RPA1: variants seen among roughly 807,000 people sequenced by gnomAD.
The protein encoded by RPA1 is replication protein A1, also known as replication protein A 70 kDa DNA-binding subunit.
RPA1 carries 49 observed loss-of-function variants against 83.0 expected under a neutral mutation model. That is an observed-to-expected ratio of 0.59 (90% CI 0.47 to 0.75). The LOEUF (loss-of-function observed/expected upper bound fraction) is 0.75. RPA1 is among the 30% of genes least tolerant of loss of function. RPA1 has a pLI of 0.00. For missense variants in RPA1, 693 were observed against 776.1 expected (o/e 0.89, Z 1.27); for synonymous variants, 279 against 281.8 (o/e 0.99, Z 0.10).
intron 5 of RPA1, among the ~76,000 whole-genome samples, chr17:1,855,767 C>A (rs1395498842): frequency 6.6e-6 from 1 of 150,974 alleles, no homozygotes; most frequent in Non-Finnish European, 1.5e-5. Context: ...AGACTTGGTA[C>A]TTCTTCCTTA....
chr17:1,881,795 C>CA (rs1329242474), intron 12 of RPA1, among the ~76,000 whole-genome samples: 3 of 152,192 alleles, frequency 2.0e-5, no homozygotes, highest in African/African-American at 7.2e-5. Flanking sequence ...TGATCAAAGA[C>CA]AAGCTCAGTG....
At position 1,841,452 on chromosome 17, in the gene RPA1, C is replaced by T. The variant is rs145139811; in HGVS notation, c.34-1351C>T. The stretch of plus-strand genomic sequence containing the variant: ...CCCAGCAGCTGGGATTACAGGCATG[C>T]GCCACCACGCCCAGCTAATTTTTAA... On this transcript the variant is annotated intron_variant, in intron 1 of 16. Coordinates refer to ENST00000254719, the MANE Select transcript of RPA1 (RefSeq NM_002945.5). 7.4e-3 allele frequency among the ~76,000 whole-genome samples: 1,131 copies of T among 152,186 alleles called. 11 individuals carry two copies. Among genetic ancestry groups the T allele is most frequent in the South Asian group, 0.015 (71 of 4,820 alleles).
At chr17:1,830,999 C>T (rs1911543073) in intron 1 of RPA1, among the ~76,000 whole-genome samples, 1 of 152,082 alleles carries the variant, frequency 6.6e-6, no homozygotes, top group Admixed American at 6.6e-5. Flanking sequence ...CACCAGACCT[C>T]AAGTTATCCG....
chr17:1,866,649 T>G, intron 5 of RPA1, among the ~76,000 whole-genome samples: 1 of 151,938 alleles, frequency 6.6e-6, no homozygotes, highest in East Asian at 1.9e-4. Context: ...TTAATAGATA[T>G]GGGGTTTTAC....
chr17:1,836,995 C>T lies in RPA1; in HGVS notation c.34-5808C>T, dbSNP rs758466821. ...TGGGATTACAGCCGCATGCCACCAT[C>T]CCCAGCTAATTTTTGTATTTTTAGT... On this transcript the variant is annotated intron_variant, in intron 1 of 16. Transcript: ENST00000254719. Among the ~76,000 whole-genome samples, 173 of 152,052 alleles carry T rather than the reference C, an allele frequency of 1.1e-3. 1 individual carries two copies. Among genetic ancestry groups the T allele is most frequent in the Non-Finnish European group, 1.1e-3 (77 of 67,988 alleles).
At chr17:1,864,250 A>G (rs980944930) in intron 5 of RPA1, among the ~76,000 whole-genome samples, 21 of 152,320 alleles carry the variant, frequency 1.4e-4, no homozygotes, top group African/African-American at 3.6e-4. Flanking sequence ...AAATTTACCA[A>G]TATATGCGGG....
rs17292454 is a variant in RPA1 at position 1,893,569 on chromosome 17, C to CT, written c.1660-1431dup. On this transcript the variant is annotated intron_variant, in intron 15 of 16. Transcript: ENST00000254719. Reference sequence around the variant, plus strand: ...TGGTGTGAACTATTAATTAGTTTTTCTTTTTTTTTGTCAAAGGTCTCAATC... The same window carrying CT: ...TGGTGTGAACTATTAATTAGTTTTTCTTTTTTTTTTGTCAAAGGTCTCAATC... Among the ~76,000 whole-genome samples, 293 of 150,928 alleles carry CT rather than the reference C, an allele frequency of 1.9e-3. 1 individual carries two copies. The highest frequency in any genetic ancestry group is 0.015 in the East Asian group (78 of 5,130).
chr17:1,846,758 G>A (rs1262345207), intron 4 of RPA1, among the ~76,000 whole-genome samples: 6 of 152,032 alleles, frequency 3.9e-5, no homozygotes, highest in African/African-American at 7.2e-5. Context: ...TTTTACATAC[G>A]TTGTAGATAA....
At chr17:1,862,866 C>T (rs1479038150) in intron 5 of RPA1, among the ~76,000 whole-genome samples, 3 of 151,418 alleles carry the variant, frequency 2.0e-5, no homozygotes, top group East Asian at 3.9e-4. Flanking sequence ...TACAAGTGCC[C>T]GCCACCACGC....
intron 4 of RPA1, among the ~76,000 whole-genome samples, chr17:1,850,103 T>G (rs1179717434): frequency 6.7e-6 from 1 of 148,886 alleles, no homozygotes; most frequent in African/African-American, 2.5e-5. Context: ...ACCCGGGAGA[T>G]GGAGGTTGCA....
In RPA1 at chr17:1,879,688, T is replaced by C. The variant is rs780343281; in HGVS notation, c.1081T>C (p.Trp361Arg). ...TSGKVVTATL[W>R]GEDADKFDGS... is the part of the protein sequence containing the mutation. ...CGGGAAGGTGGTGACTGCTACACTGTGGGGGGAAGATGTAAGTGCTGGGAT... is the reference window on the plus strand; with the variant it reads ...CGGGAAGGTGGTGACTGCTACACTGCGGGGGGAAGATGTAAGTGCTGGGAT... The change falls in exon 11 of 17, where the codon TGG becomes CGG. Residue 361 changes from tryptophan to arginine, a missense_variant. Trp to Arg is a moderately radical substitution (Grantham distance 101). Transcript: ENST00000254719. 1.2e-6 allele frequency: 2 copies of C among 1,614,122 alleles called. No homozygotes were observed. Among genetic ancestry groups the C allele is most frequent in the Non-Finnish European group, 1.7e-6 (2 of 1,180,010 alleles).
intron 7 of RPA1, among the ~76,000 whole-genome samples, chr17:1,876,550 G>A (rs58239254): frequency 1.9e-4 from 29 of 152,248 alleles, no homozygotes; most frequent in African/African-American, 5.3e-4. Context: ...GTGAGATTCC[G>A]TCTCTCAAGA....
rs535780005 is a variant in RPA1, at chr17:1,863,618, G to A, written c.362-8816G>A. On this transcript the variant is annotated intron_variant, in intron 5 of 16. Transcript: ENST00000254719. ...AATCCACCTGCCTCGGTCTCCCAAT[G>A]TGCTGGGATTACGAACGTGAGCCCC... is the stretch of plus-strand genomic sequence containing the variant. Among the ~76,000 whole-genome samples the A allele has an allele frequency of 2.0e-5, 3 of 152,332 alleles. No individual in the cohort carries two copies. The South Asian group carries it at 6.2e-4, about 32-fold the overall frequency.
chr17:1,888,241 G>C (rs186878297), intron 13 of RPA1, among the ~76,000 whole-genome samples: 36 of 152,304 alleles, frequency 2.4e-4, no homozygotes, highest in Non-Finnish European at 3.7e-4. Context: ...TTTTGAGCGC[G>C]GGAGGGATGG....
rs1265487153 is a variant in RPA1 at position 1,899,036 on chromosome 17, G to T, written c.*1861G>T. On this transcript the variant is annotated 3_prime_UTR_variant, in exon 17 of 17. Transcript: ENST00000254719. ...CTGACCAGCCGTGGTACCAGGACAG[G>T]ACGTGTCCAGGGAACGCTGACACCT... The T allele has an allele frequency of 6.5e-6, 1 of 152,872 alleles. No homozygotes were observed. Among genetic ancestry groups the T allele is most frequent in the East Asian group, 1.9e-4 (1 of 5,194 alleles). 9.5% of individuals were successfully genotyped at this position (152,872 alleles called of 1,614,324 possible).
At chr17:1,886,492 CA>C (rs1435351362) in intron 13 of RPA1, among the ~76,000 whole-genome samples, 5 of 152,206 alleles carry the variant, frequency 3.3e-5, no homozygotes, top group Non-Finnish European at 7.3e-5. Flanking sequence ...TTCTTGATGG[CA>C]TCTTCTTCCA....
At chr17:1,852,223 C>T (rs1026823612) in intron 4 of RPA1, among the ~76,000 whole-genome samples, 4 of 152,256 alleles carry the variant, frequency 2.6e-5, no homozygotes, top group Middle Eastern at 3.4e-3. Flanking sequence ...TCTTTATTGA[C>T]AGTACAGTCT....
At position 1,872,474 on chromosome 17, in the gene RPA1, C is replaced by T. The variant is rs1913410530; in HGVS notation, c.402C>T (p.Ala134=). ...QPQVAPPAPA[A]SPAASSRPQP... The stretch of plus-strand genomic sequence containing the variant: ...AAGTAGCTCCTCCAGCGCCAGCAGC[C>T]AGCCCAGCAGCAAGCAGCAGGCCCC... The change falls in exon 6 of 17, where the codon GCC becomes GCT. Residue 134 remains alanine, a synonymous_variant. Transcript: ENST00000254719. 5.6e-6 allele frequency: 9 copies of T among 1,613,902 alleles called. No homozygotes were observed. The highest frequency in any genetic ancestry group is 1.3e-5 in the African/African-American group (1 of 74,918).
At chr17:1,834,193 A>ATGATCAT (rs566561980) in intron 1 of RPA1, among the ~76,000 whole-genome samples, 1 of 152,152 alleles carries the variant, frequency 6.6e-6, no homozygotes, top group Non-Finnish European at 1.5e-5. Flanking sequence ...AAAATAAAGA[A>ATGATCAT]TGATCATGGA....
Sources: gnomAD v4.1 joint callset for allele counts (sites outside exome capture counted in the v4.1 genomes callset) on GRCh38, gnomAD v4.1.1 for gene constraint, MANE v1.5 for transcripts, NCBI Gene and HGNC (gene_info 2026-07-23, HGNC 2026-07-21) for gene names.